TAMM41: variants seen among roughly 807,000 people sequenced by gnomAD.
The protein encoded by TAMM41 is TAM41 mitochondrial translocator assembly and maintenance homolog.
TAMM41 carries 36 observed loss-of-function variants against 44.1 expected under a neutral mutation model. The observed-to-expected ratio is 0.82, with a 90% CI of 0.63 to 1.08. TAMM41 has a LOEUF of 1.08. Among genes scored for constraint, TAMM41 ranks in the 50% least tolerant of loss-of-function variants. The pLI is 0.00. For missense variants in TAMM41, 417 were observed against 404.3 expected (o/e 1.03, Z -0.27); for synonymous variants, 164 against 153.1 (o/e 1.07, Z -0.53).
At chr3:11,826,814 T>C (rs992180051) in intron 4 of TAMM41, 4 of 152,112 alleles carry the variant, frequency 2.6e-5, no homozygotes, top group Non-Finnish European at 5.9e-5. Context: ...ATCTGTAAAA[T>C]GGGGCAATGA....
At chr3:11,823,327 C>T (rs2078604992) in intron 4 of TAMM41, among the ~76,000 whole-genome samples, 1 of 147,894 alleles carries the variant, frequency 6.8e-6, no homozygotes, top group South Asian at 2.1e-4. Context: ...ATGATCTTGG[C>T]TCACTGCAAC....
intron 3 of TAMM41, 133 bp from the exon 4 acceptor site, chr3:11,829,997 A>G: frequency 1.2e-6 from 1 of 815,998 alleles, no homozygotes; most frequent in East Asian, 2.6e-5. Context: ...CAGGTGACAC[A>G]AAATTGTTCC....
intron 2 of TAMM41, among the ~76,000 whole-genome samples, 167 bp from the exon 3 acceptor site, chr3:11,839,481 T>C (rs1001146081): frequency 6.6e-6 from 1 of 152,138 alleles, no homozygotes; most frequent in African/African-American, 2.4e-5. Context: ...ACCAAAACTT[T>C]TGAGAGGTTA....
chr3:11,841,071 CTAT>C lies in TAMM41; in HGVS notation c.319-1760_319-1758del, dbSNP rs1266865040. Among the ~76,000 whole-genome samples the C allele has an allele frequency of 8.1e-4, 80 of 98,246 alleles. 1 individual carries two copies. The highest frequency in any genetic ancestry group is 8.1e-3 in the Middle Eastern group (1 of 124). The allele number at this position is 98,246 out of a possible 152,430, so 64.5% of individuals were successfully genotyped here. A position where few individuals can be genotyped will look rare whatever the true frequency, so the allele number is the denominator to read the frequency against. On this transcript the variant is annotated intron_variant, in intron 2 of 7. Transcript: ENST00000455809. Reference sequence around the variant, plus strand: ...AAAGAAATTATAGTTCAGCCCATTTCTATTTTTTTTTTTTTTTTTTTTTTTTTT... The same window carrying C: ...AAAGAAATTATAGTTCAGCCCATTTCTTTTTTTTTTTTTTTTTTTTTTTTT...
intron 7 of TAMM41, among the ~76,000 whole-genome samples, chr3:11,794,415 G>A (rs1559265418): frequency 6.6e-6 from 1 of 152,086 alleles, no homozygotes; most frequent in Non-Finnish European, 1.5e-5. Flanking sequence ...TAGGATTACA[G>A]GTGTGAGCCT....
chr3:11,803,418 ATGT>A (rs1157706564), intron 7 of TAMM41, among the ~76,000 whole-genome samples: 1 of 152,076 alleles, frequency 6.6e-6, no homozygotes, highest in African/African-American at 2.4e-5. Flanking sequence ...CAAAAAACAG[ATGT>A]TGGTGCAGAT....
At chr3:11,808,122 A>G (rs754627856) in intron 6 of TAMM41, 13 of 1,037,318 alleles carry the variant, frequency 1.3e-5, no homozygotes, top group Admixed American at 3.2e-5. Context: ...GTCCAAGCCG[A>G]TGACCGAACA....
At chr3:11,844,001 G>A (rs781507568) in intron 2 of TAMM41, 28 bp downstream of exon 2, 17 of 1,607,026 alleles carry the variant, frequency 1.1e-5, no homozygotes, top group Non-Finnish European at 1.4e-5. Context: ...AACCAGCCAA[G>A]TTAAGACAAA....
At chr3:11,767,626 A>ATTCTTTTTTTTTTTTT in the TAMM41 span, among the ~76,000 whole-genome samples, 1 of 60,692 alleles carries the variant, frequency 1.6e-5, no homozygotes, top group Admixed American at 1.9e-4. Context: ...CACGTTGTGC[A>ATTCTTTTTTTTTTTTT]TTTTTTTTTT....
chr3:11,789,605 T>C (rs563198903), downstream of TAMM41, among the ~76,000 whole-genome samples: 30 of 152,300 alleles, frequency 2.0e-4, no homozygotes, highest in East Asian at 5.4e-3. Context: ...CCTGAGCCTA[T>C]CAGCTTAGTT....
At chr3:11,740,103 C>A in the TAMM41 span, among the ~76,000 whole-genome samples, 3 of 151,896 alleles carry the variant, frequency 2.0e-5, no homozygotes, top group South Asian at 6.2e-4. Flanking sequence ...AAAAAAAACA[C>A]CCCAGATCTT....
the TAMM41 span, among the ~76,000 whole-genome samples, chr3:11,768,124 ATGTAGGTGGAAAACTTTTT>A: frequency 7.2e-6 from 1 of 139,710 alleles, no homozygotes; most frequent in East Asian, 2.0e-4. Flanking sequence ...TCTTCTTTGG[ATGTAGGTGGAAAACTTTTT>A]TGTTTTTTTT....
intron 7 of TAMM41, among the ~76,000 whole-genome samples, chr3:11,793,518 CCCA>C (rs1183390637): frequency 6.6e-6 from 1 of 152,200 alleles, no homozygotes; most frequent in African/African-American, 2.4e-5. Flanking sequence ...CATACACCCA[CCCA>C]CCAAAAGACA....
the TAMM41 span, among the ~76,000 whole-genome samples, chr3:11,775,164 C>T: frequency 6.6e-6 from 1 of 152,088 alleles, no homozygotes; most frequent in Non-Finnish European, 1.5e-5. Flanking sequence ...CCGCGCCTGG[C>T]CTTTTTTAAT....
At chr3:11,737,879 T>G in the TAMM41 span, among the ~76,000 whole-genome samples, 4 of 152,206 alleles carry the variant, frequency 2.6e-5, no homozygotes, top group African/African-American at 7.2e-5. Flanking sequence ...CCTGTGGTTT[T>G]CTTATTGCCA....
the TAMM41 span, among the ~76,000 whole-genome samples, chr3:11,735,774 G>A: frequency 3.9e-5 from 6 of 152,310 alleles, no homozygotes; most frequent in South Asian, 6.2e-4. Context: ...GAGCAGGAAC[G>A]TGAAGGAAGT....
chr3:11,824,294 T>G (rs1308227584), intron 4 of TAMM41, among the ~76,000 whole-genome samples: 2 of 151,306 alleles, frequency 1.3e-5, no homozygotes, highest in Non-Finnish European at 2.9e-5. Flanking sequence ...GGGTTCAAGC[T>G]ATTCTCCTGC....
At chr3:11,752,271 G>T in the TAMM41 span, among the ~76,000 whole-genome samples, 4 of 152,094 alleles carry the variant, frequency 2.6e-5, no homozygotes, top group Non-Finnish European at 5.9e-5. Context: ...AGGTGACAGG[G>T]GCCCAAAGAG....
chr3:11,807,475 C>T (rs1381881251), intron 7 of TAMM41: 5 of 1,536,124 alleles, frequency 3.3e-6, no homozygotes, highest in East Asian at 4.9e-5. Flanking sequence ...AAGCAGTTGT[C>T]TCAGAGAAGG....
Sources: gnomAD v4.1 joint callset for allele counts (sites outside exome capture counted in the v4.1 genomes callset) on GRCh38, gnomAD v4.1.1 for gene constraint, MANE v1.5 for transcripts, NCBI Gene and HGNC (gene_info 2026-07-23, HGNC 2026-07-21) for gene names.